STYX: variants seen among roughly 807,000 people sequenced by gnomAD.
The protein encoded by STYX is serine/threonine/tyrosine-interacting protein.
A neutral mutation model predicts 42.7 loss-of-function variants in STYX; 20 were observed. That is an observed-to-expected ratio of 0.47 (90% CI 0.33 to 0.68). STYX has a LOEUF of 0.68. Ranked by LOEUF, STYX falls within the 30% of genes least tolerant of loss-of-function variation. The probability of loss-of-function intolerance (pLI) is 0.02; values close to 1 mark genes in which losing one functional copy is unlikely to be tolerated. For missense variants in STYX, 226 were observed against 268.5 expected, an observed-to-expected ratio of 0.84 and a Z score of 1.11; for synonymous variants, 78 against 81.9, an observed-to-expected ratio of 0.95 and a Z score of 0.26.
At chr14:52,754,130 C>T (rs185025312) in intron 4 of STYX, among the ~76,000 whole-genome samples, 120 of 151,986 alleles carry the variant, frequency 7.9e-4, no homozygotes, top group African/African-American at 2.5e-3. Flanking sequence ...CCTCGTGATC[C>T]GCCTGCCTTG....
chr14:52,773,644 A>G lies in STYX; in HGVS notation c.*2538A>G, dbSNP rs1882609083. The G allele has an allele frequency of 6.6e-6, 1 of 151,966 alleles. No individual in the cohort carries two copies. The highest frequency in any genetic ancestry group is 2.1e-4 in the South Asian group (1 of 4,812). The allele number at this position is 151,966 out of a possible 1,614,324, so 9.4% of individuals were successfully genotyped here. A position where few individuals can be genotyped will look rare whatever the true frequency, so the allele number is the denominator to read the frequency against. On this transcript the variant is annotated 3_prime_UTR_variant, in exon 11 of 11. Coordinates refer to ENST00000354586, the MANE Select transcript of STYX (RefSeq NM_145251.4). ...TGAGCCACTGCGCCTGGCTGAGTAC[A>G]ATATTAATGTAGACAAACCATGAAG...
rs1594877463 is a variant in STYX, at chr14:52,757,362, A to G, written c.340+7A>G. On this transcript the variant is annotated splice_region_variant and intron_variant, in intron 6 of 10. Transcript: ENST00000354586. ...GGGAGCTTACAAATGGGAGGTAAAT[A>G]ACATTTCCTTTCCTTAACTAATGTT... is the stretch of plus-strand genomic sequence containing the variant. The G allele has an allele frequency of 6.2e-7, 1 of 1,600,588 alleles. No individual in the cohort carries two copies.
intron 1 of STYX, among the ~76,000 whole-genome samples, chr14:52,732,997 A>C (rs1045412993): frequency 3.9e-5 from 6 of 152,218 alleles, no homozygotes; most frequent in African/African-American, 1.4e-4. Context: ...AAAATGATTC[A>C]GTAATTTCAG....
In STYX at chr14:52,746,906, T is replaced by C. The variant is rs1881416012; in HGVS notation, c.144+427T>C. Among the ~76,000 whole-genome samples, 3 of 152,200 alleles carry C rather than the reference T, an allele frequency of 2.0e-5. No homozygotes were observed. In the South Asian group the frequency reaches 6.2e-4, roughly 32 times the overall value. ...GTTAATTGAAAGTCATTCACCTTAGTTCTGTTTTGCCAGCCAGACTTTAGA... is the reference window on the plus strand; with the variant it reads ...GTTAATTGAAAGTCATTCACCTTAGCTCTGTTTTGCCAGCCAGACTTTAGA... On this transcript the variant is annotated intron_variant, in intron 3 of 10. Transcript: ENST00000354586.
At chr14:52,759,883 C>A in intron 9 of STYX, 129 bp downstream of exon 9, 1 of 632,108 alleles carries the variant, frequency 1.6e-6, no homozygotes, top group Non-Finnish European at 2.7e-6. Flanking sequence ...ATGCTTTATT[C>A]AAGTTTATAT....
At chr14:52,733,271 C>T (rs539137026) in intron 1 of STYX, among the ~76,000 whole-genome samples, 14 of 152,264 alleles carry the variant, frequency 9.2e-5, no homozygotes, top group African/African-American at 2.6e-4. Context: ...TGCCTTATTC[C>T]TGCAAAACTG....
chr14:52,764,665 C>CTTTTTT (rs1882228900), intron 9 of STYX, among the ~76,000 whole-genome samples: 1 of 111,746 alleles, frequency 8.9e-6, no homozygotes, highest in African/African-American at 3.2e-5. Flanking sequence ...ATTTACTTTT[C>CTTTTTT]CTTTTTTTTT....
At chr14:52,751,097 G>A (rs1046344574) in intron 4 of STYX, among the ~76,000 whole-genome samples, 1 of 152,090 alleles carries the variant, frequency 6.6e-6, no homozygotes, top group Non-Finnish European at 1.5e-5. Flanking sequence ...TGAGTATCTA[G>A]GGGATAGGTT....
intron 9 of STYX, among the ~76,000 whole-genome samples, chr14:52,765,759 C>T (rs1464792610): frequency 6.6e-6 from 1 of 152,142 alleles, no homozygotes; most frequent in Admixed American, 6.5e-5. Context: ...CTAGATCCCT[C>T]GCATACCATA....
chr14:52,748,154 A>G (rs1176500122), intron 3 of STYX, among the ~76,000 whole-genome samples: 1 of 152,204 alleles, frequency 6.6e-6, no homozygotes, highest in Non-Finnish European at 1.5e-5. Flanking sequence ...ACCATTATCT[A>G]AAAACAACAA....
chr14:52,738,977 T>C (rs1436418190), intron 1 of STYX, among the ~76,000 whole-genome samples: 1 of 152,144 alleles, frequency 6.6e-6, no homozygotes, highest in African/African-American at 2.4e-5. Flanking sequence ...ATATCACTTT[T>C]TTTTTTTTTG....
intron 1 of STYX, among the ~76,000 whole-genome samples, chr14:52,737,201 T>A (rs1335875996): frequency 6.6e-6 from 1 of 152,226 alleles, no homozygotes; most frequent in Non-Finnish European, 1.5e-5. Context: ...AAGTTCATAT[T>A]TCATATTTCA....
chr14:52,763,296 A>G (rs552946052), intron 9 of STYX, among the ~76,000 whole-genome samples: 26 of 152,134 alleles, frequency 1.7e-4, no homozygotes, highest in Non-Finnish European at 2.9e-4. Flanking sequence ...GGAAAATAAT[A>G]TCTTGTACTT....
At chr14:52,767,070 G>A (rs1882330519) in intron 9 of STYX, among the ~76,000 whole-genome samples, 1 of 152,192 alleles carries the variant, frequency 6.6e-6, no homozygotes, top group African/African-American at 2.4e-5. Flanking sequence ...ATAAGGCCAT[G>A]TAAGGAAGGT....
At chr14:52,764,473 ATT>A (rs1882221148) in intron 9 of STYX, among the ~76,000 whole-genome samples, 1 of 152,052 alleles carries the variant, frequency 6.6e-6, no homozygotes, top group African/African-American at 2.4e-5. Context: ...ATTTGGTATC[ATT>A]GTTTCCTAAT....
chr14:52,771,193 T>C lies in STYX; in HGVS notation c.*87T>C, dbSNP rs1405729181. On this transcript the variant is annotated 3_prime_UTR_variant, in exon 11 of 11. Transcript: ENST00000354586. ...ATTATAATGTAAAATGGTAAAAACA[T>C]AAGTAGTTTTTTTTTCAATTACATG... 1 of 1,287,130 alleles carries C rather than the reference T, an allele frequency of 7.8e-7. No homozygotes were observed. Among genetic ancestry groups the C allele is most frequent in the East Asian group, 2.5e-5 (1 of 39,730 alleles). The allele number at this position is 1,287,130 out of a possible 1,614,324, so 79.7% of individuals were successfully genotyped here.
chr14:52,757,858 AT>A lies in STYX; in HGVS notation c.381-12del, dbSNP rs1881937066. On this transcript the variant is annotated splice_polypyrimidine_tract_variant and intron_variant, in intron 7 of 10. Coordinates refer to ENST00000354586, the MANE Select transcript of STYX (RefSeq NM_145251.4). ...GTATTTTCTGGTTGTTTTTAAAATT[AT>A]TTTCCCCTCTTCAGTGCAGCCTTTG... 1 of 1,612,780 alleles carries A rather than the reference AT, an allele frequency of 6.2e-7. No homozygotes were observed. The highest frequency in any genetic ancestry group is 1.3e-5 in the African/African-American group (1 of 74,872).
chr14:52,741,804 A>G (rs531729216), intron 1 of STYX, among the ~76,000 whole-genome samples: 26 of 152,168 alleles, frequency 1.7e-4, no homozygotes, highest in African/African-American at 5.5e-4. Flanking sequence ...TTAAAAATCA[A>G]TTTCTTAGTC....
chr14:52,771,191 CATAAG>C lies in STYX; in HGVS notation c.*86_*90del. ...AAATTATAATGTAAAATGGTAAAAA[CATAAG>C]TAGTTTTTTTTTCAATTACATGTTG... On this transcript the variant is annotated 3_prime_UTR_variant, in exon 11 of 11. Coordinates refer to ENST00000354586, the MANE Select transcript of STYX (RefSeq NM_145251.4). 1 of 1,297,100 alleles carries C rather than the reference CATAAG, an allele frequency of 7.7e-7. No individual in the cohort carries two copies. The allele number at this position is 1,297,100 out of a possible 1,614,324, so 80.3% of individuals were successfully genotyped here. A position where few individuals can be genotyped will look rare whatever the true frequency, so the allele number is the denominator to read the frequency against.
Sources: gnomAD v4.1 joint callset for allele counts (sites outside exome capture counted in the v4.1 genomes callset) on GRCh38, gnomAD v4.1.1 for gene constraint, MANE v1.5 for transcripts, NCBI Gene and HGNC (gene_info 2026-07-23, HGNC 2026-07-21) for gene names.